The following IGF1R variants were observed in gnomAD, a reference collection of about 807,000 sequenced individuals.
IGF1R encodes the protein insulin-like growth factor 1 receptor.
In IGF1R, 44 loss-of-function variants were observed where a neutral mutation model predicts 144.6. The ratio of observed to expected loss-of-function variants is 0.30; its 90% CI spans 0.24 to 0.39. The LOEUF (loss-of-function observed/expected upper bound fraction) is 0.39. Ranked by LOEUF, IGF1R falls within the 10% of genes least tolerant of loss-of-function variation. The pLI is 1.00. For missense variants in IGF1R, 1,355 were observed against 1,833.7 expected (o/e 0.74, Z 4.77); for synonymous variants, 795 against 722.8 (o/e 1.10, Z -1.60).
At chr15:98,817,227 G>C (rs899291028) in intron 2 of IGF1R, among the ~76,000 whole-genome samples, 1 of 151,938 alleles carries the variant, frequency 6.6e-6, no homozygotes, top group Non-Finnish European at 1.5e-5. Context: ...GCTTGAACCC[G>C]GGAGGCAGAG....
chr15:98,858,711 G>A (rs1393176937), intron 2 of IGF1R, among the ~76,000 whole-genome samples: 4 of 152,196 alleles, frequency 2.6e-5, no homozygotes, highest in Non-Finnish European at 5.9e-5. Context: ...ATTGTTCAGC[G>A]CAGCAAACCA....
At chr15:98,676,645 C>T (rs749886530) in intron 1 of IGF1R, among the ~76,000 whole-genome samples, 48 of 151,760 alleles carry the variant, frequency 3.2e-4, no homozygotes, top group Admixed American at 3.1e-3. Flanking sequence ...AATTCTTCTC[C>T]GCTACTCTTC....
chr15:98,730,590 T>A (rs2054475654), intron 2 of IGF1R, among the ~76,000 whole-genome samples: 1 of 152,214 alleles, frequency 6.6e-6, no homozygotes, highest in African/African-American at 2.4e-5. Flanking sequence ...AAAATGAGGA[T>A]GGAAGAGAGT....
At chr15:98,756,348 T>C (rs1273970695) in intron 2 of IGF1R, among the ~76,000 whole-genome samples, 2 of 151,980 alleles carry the variant, frequency 1.3e-5, no homozygotes, top group East Asian at 1.9e-4. Flanking sequence ...AATTTTTTAG[T>C]TTTTCAGAAT....
At chr15:98,684,162 A>G (rs2053261778) in intron 1 of IGF1R, among the ~76,000 whole-genome samples, 1 of 152,238 alleles carries the variant, frequency 6.6e-6, no homozygotes, top group Non-Finnish European at 1.5e-5. Context: ...TCCTAGTGAG[A>G]CAACTTCTGC....
At chr15:98,672,357 G>T (rs940591360) in intron 1 of IGF1R, among the ~76,000 whole-genome samples, 2 of 152,106 alleles carry the variant, frequency 1.3e-5, no homozygotes, top group African/African-American at 2.4e-5. Context: ...CTGTGGTCGG[G>T]AGTTTGAGAC....
At position 98,960,746 on chromosome 15, in the gene IGF1R, A is replaced by G. The variant is rs1596499443; in HGVS notation, c.*3304A>G. ...AGAATGCAGAGGCTCCTGACCTCAC[A>G]GCCAGTCCCTGATAGAACACACGCA... On this transcript the variant is annotated 3_prime_UTR_variant, in exon 21 of 21. Transcript: ENST00000650285. The G allele has an allele frequency of 4.3e-6, 1 of 233,580 alleles. No individual in the cohort carries two copies. Among genetic ancestry groups the G allele is most frequent in the East Asian group, 6.0e-5 (1 of 16,600 alleles). The allele number at this position is 233,580 out of a possible 1,614,324, so 14.5% of individuals were successfully genotyped here.
intron 2 of IGF1R, among the ~76,000 whole-genome samples, chr15:98,812,420 G>A (rs1484036653): frequency 6.6e-6 from 1 of 151,382 alleles, no homozygotes; most frequent in Non-Finnish European, 1.5e-5. Flanking sequence ...ACAATGGTGC[G>A]ATCTCAGTTC....
At position 98,663,154 on chromosome 15, in the gene IGF1R, G is replaced by C. The variant is rs562134077; in HGVS notation, c.94+13479G>C. Among the ~76,000 whole-genome samples the C allele has an allele frequency of 6.6e-5, 10 of 152,312 alleles. No homozygotes were observed. The South Asian group carries it at 1.7e-3, about 25-fold the overall frequency. On this transcript the variant is annotated intron_variant, in intron 1 of 20. Coordinates refer to ENST00000650285, the MANE Select transcript of IGF1R (RefSeq NM_000875.5). ...TGGACAGGTTGGCCCAGCTGAGGGAGGTGACTGGTGAGATGGGTCCTCGGT... is the reference window on the plus strand; with the variant it reads ...TGGACAGGTTGGCCCAGCTGAGGGACGTGACTGGTGAGATGGGTCCTCGGT...
chr15:98,951,238 CCCTGGG>C (rs1359726844), intron 20 of IGF1R, among the ~76,000 whole-genome samples: 2 of 152,194 alleles, frequency 1.3e-5, no homozygotes, highest in Non-Finnish European at 2.9e-5. Flanking sequence ...TCGGCTGGTG[CCCTGGG>C]CCTGGGCCAG....
At chr15:98,850,113 G>A (rs2011478365) in intron 2 of IGF1R, among the ~76,000 whole-genome samples, 1 of 152,194 alleles carries the variant, frequency 6.6e-6, no homozygotes, top group East Asian at 1.9e-4. Context: ...GGCAAAAGAT[G>A]AAAATGTCCC....
chr15:98,708,251 G>A (rs539625226), intron 2 of IGF1R, 144 bp downstream of exon 2: 23 of 765,404 alleles, frequency 3.0e-5, no homozygotes, highest in Middle Eastern at 3.5e-4. Context: ...CCTGCTGTGC[G>A]GAAGTGGTTC....
At chr15:98,811,072 G>A (rs1029430572) in intron 2 of IGF1R, among the ~76,000 whole-genome samples, 4 of 151,770 alleles carry the variant, frequency 2.6e-5, no homozygotes, top group African/African-American at 4.8e-5. Context: ...AGGCTGAGGC[G>A]GCCGGATCAC....
chr15:98,653,461 G>T (rs141149485), intron 1 of IGF1R, among the ~76,000 whole-genome samples: 1 of 152,206 alleles, frequency 6.6e-6, no homozygotes, highest in Non-Finnish European at 1.5e-5. Flanking sequence ...TTTTAATGCA[G>T]TATTGTTGTT....
intron 2 of IGF1R, among the ~76,000 whole-genome samples, chr15:98,744,481 A>G (rs1404701115): frequency 6.6e-6 from 1 of 152,078 alleles, no homozygotes; most frequent in Non-Finnish European, 1.5e-5. Context: ...CTGAAGAAGT[A>G]GAGAAGCATG....
chr15:98,786,540 C>T (rs1028053699), intron 2 of IGF1R, among the ~76,000 whole-genome samples: 9 of 152,054 alleles, frequency 5.9e-5, no homozygotes, highest in African/African-American at 1.9e-4. Context: ...TATTTGAAGA[C>T]GTGGATGAAT....
At chr15:98,699,850 C>CTCTAATT (rs1192080822) in intron 1 of IGF1R, among the ~76,000 whole-genome samples, 1 of 152,164 alleles carries the variant, frequency 6.6e-6, no homozygotes, top group Non-Finnish European at 1.5e-5. Flanking sequence ...TCAAATTACA[C>CTCTAATT]TCGGTTTCTA....
chr15:98,850,745 T>TGGG (rs369684794), intron 2 of IGF1R, among the ~76,000 whole-genome samples: 1 of 148,934 alleles, frequency 6.7e-6, no homozygotes, highest in African/African-American at 2.5e-5. Flanking sequence ...TGGCACTTGG[T>TGGG]GGGGGGGGGT....
rs903397502 is a variant in IGF1R at position 98,891,353 on chromosome 15, G to A, written c.669G>A (p.Ala223=). The A allele has an allele frequency of 1.7e-5, 27 of 1,607,668 alleles. No individual in the cohort carries two copies. Among genetic ancestry groups the A allele is most frequent in the African/African-American group, 1.2e-4 (9 of 74,896 alleles). ...GCCCAAGCACGTGTGGGAAGCGGGC[G>A]TGCACCGAGAACAATGAGTGCTGCC... ...KMCPSTCGKR[A]CTENNECCHP... is the part of the protein sequence containing the mutation. Residue 223 remains alanine, a synonymous_variant, in exon 3 of 21, where the codon GCG becomes GCA. Transcript: ENST00000650285. The surrounding 1 kb of genome is among the most constrained non-coding windows in gnomAD (Gnocchi z 4.7).
Sources: allele counts gnomAD v4.1 joint callset (sites outside exome capture counted in the v4.1 genomes callset), GRCh38; gene constraint gnomAD v4.1.1; non-coding constraint Gnocchi (gnomAD v3.1); transcripts MANE v1.5; gene names NCBI Gene and HGNC (gene_info 2026-07-23, HGNC 2026-07-21).